Variants in TUSC3 observed in about 807,000 individuals in gnomAD.
TUSC3 encodes the protein dolichyl-diphosphooligosaccharide--protein glycosyltransferase subunit TUSC3.
A neutral mutation model predicts 44.8 loss-of-function variants in TUSC3; 45 were observed. That is an observed-to-expected ratio of 1.00 (90% CI 0.79 to 1.29). TUSC3 has a LOEUF of 1.29. TUSC3 is among the 50% of genes most tolerant of loss of function. TUSC3 has a pLI of 0.00. For missense variants in TUSC3, 519 were observed against 437.9 expected (o/e 1.19, Z -1.65); for synonymous variants, 212 against 152.9 (o/e 1.39, Z -2.85).
chr8:15,519,727 A>G (rs1481973736), intron 2 of TUSC3, among the ~76,000 whole-genome samples: 1 of 152,206 alleles, frequency 6.6e-6, no homozygotes, highest in East Asian at 1.9e-4. Flanking sequence ...CCATCGTGCC[A>G]AAAAGCACTG....
intron 6 of TUSC3, among the ~76,000 whole-genome samples, chr8:15,728,169 C>T (rs575514679): frequency 1.3e-5 from 2 of 152,280 alleles, no homozygotes; most frequent in African/African-American, 4.8e-5. Flanking sequence ...TTTTCTCACA[C>T]ATCTGAGAAA....
the TUSC3 span, among the ~76,000 whole-genome samples, chr8:15,827,015 G>A: frequency 1.3e-5 from 2 of 152,074 alleles, no homozygotes; most frequent in African/African-American, 4.8e-5. Flanking sequence ...TATATGGTCT[G>A]CTCATTGTCC....
At chr8:15,490,965 G>T (rs940095073) in intron 2 of TUSC3, among the ~76,000 whole-genome samples, 8 of 152,004 alleles carry the variant, frequency 5.3e-5, no homozygotes, top group Non-Finnish European at 1.5e-5. Context: ...TCCAAAGAGG[G>T]TCTGGGGCCC....
At chr8:15,471,893 C>T (rs982138079) in intron 1 of TUSC3, among the ~76,000 whole-genome samples, 1 of 152,146 alleles carries the variant, frequency 6.6e-6, no homozygotes, top group African/African-American at 2.4e-5. Context: ...GCTAGGATTA[C>T]AGGCATGAGC....
At chr8:15,840,370 G>C in the TUSC3 span, among the ~76,000 whole-genome samples, 1 of 151,900 alleles carries the variant, frequency 6.6e-6, no homozygotes, top group African/African-American at 2.4e-5. Context: ...AGAACTTAAA[G>C]TATAATTTAA....
the TUSC3 span, among the ~76,000 whole-genome samples, chr8:15,781,347 A>G: frequency 6.6e-6 from 1 of 152,228 alleles, no homozygotes; most frequent in Non-Finnish European, 1.5e-5. Context: ...TACTGAGAGT[A>G]TATGGTATAT....
chr8:15,620,891 A>T (rs968382827), intron 1 of TUSC3, among the ~76,000 whole-genome samples: 1 of 152,208 alleles, frequency 6.6e-6, no homozygotes, highest in African/African-American at 2.4e-5. Context: ...TACTGTTTTC[A>T]TAGATACATA....
chr8:15,668,468 A>G (rs2129181872), intron 5 of TUSC3, among the ~76,000 whole-genome samples: 1 of 151,914 alleles, frequency 6.6e-6, no homozygotes, highest in South Asian at 2.1e-4. Context: ...ATGAAGAACC[A>G]TGTGGAGATA....
At position 15,519,123 on chromosome 8, in the gene TUSC3, A is replaced by G. The variant is rs77422824; in HGVS notation, n.189+35640A>G. 4.7e-3 allele frequency among the ~76,000 whole-genome samples: 711 copies of G among 152,198 alleles called. 5 individuals carry two copies. Among genetic ancestry groups the G allele is most frequent in the African/African-American group, 0.016 (658 of 41,520 alleles). On this transcript the variant is annotated intron_variant and non_coding_transcript_variant, in intron 2 of 5. Coordinates refer to the TUSC3 transcript ENST00000503191. ...GATATACACATCTACTGACATTAAG[A>G]TTTATTACTCATTTTTTAATTAAAT...
chr8:15,800,437 G>A, the TUSC3 span, among the ~76,000 whole-genome samples: 3 of 152,060 alleles, frequency 2.0e-5, no homozygotes, highest in Non-Finnish European at 4.4e-5. Context: ...GCCGGGCATG[G>A]TGGCTCATGC....
intron 1 of TUSC3, among the ~76,000 whole-genome samples, chr8:15,584,005 G>T (rs1803490310): frequency 6.6e-6 from 1 of 152,200 alleles, no homozygotes; most frequent in South Asian, 2.1e-4. Flanking sequence ...TATTGCAGGG[G>T]CAGTATTTTG....
Position 15,468,776 on chromosome 8 carries a change from A to T in TUSC3, n.92-14610A>T, listed in dbSNP as rs550065951. Among the ~76,000 whole-genome samples, 7 of 152,298 alleles carry T rather than the reference A, an allele frequency of 4.6e-5. No homozygotes were observed. In the South Asian group the frequency reaches 1.0e-3, roughly 23 times the overall value. ...ATATTAGAAGTGATGCTTTCAGGAG[A>T]TTCAAGGGATTCCTCTCTGTCTTGA... On this transcript the variant is annotated intron_variant and non_coding_transcript_variant, in intron 1 of 5. Transcript: ENST00000503191.
chr8:15,804,660 T>C, the TUSC3 span, among the ~76,000 whole-genome samples: 2 of 152,298 alleles, frequency 1.3e-5, no homozygotes, highest in South Asian at 4.1e-4. Context: ...CTGAGTTCTT[T>C]ATTCTGTTCC....
At chr8:15,522,096 T>G (rs1306464886) in intron 2 of TUSC3, among the ~76,000 whole-genome samples, 1 of 152,222 alleles carries the variant, frequency 6.6e-6, no homozygotes, top group African/African-American at 2.4e-5. Context: ...TCATCTCATT[T>G]ACAGTAGACT....
intron 1 of TUSC3, among the ~76,000 whole-genome samples, chr8:15,587,352 AC>A (rs1238649886): frequency 6.6e-6 from 1 of 152,126 alleles, no homozygotes; most frequent in African/African-American, 2.4e-5. Flanking sequence ...CAGCATTATA[AC>A]ATTATGTTTT....
At chr8:15,840,493 A>C in the TUSC3 span, among the ~76,000 whole-genome samples, 1 of 152,228 alleles carries the variant, frequency 6.6e-6, no homozygotes, top group Non-Finnish European at 1.5e-5. Flanking sequence ...CTAGGAGTAA[A>C]GAGCCTAGAA....
intron 2 of TUSC3, among the ~76,000 whole-genome samples, chr8:15,498,221 A>C (rs1235767911): frequency 6.6e-6 from 1 of 152,198 alleles, no homozygotes; most frequent in Admixed American, 6.5e-5. Flanking sequence ...TTTTAACCTT[A>C]AGATTGTACC....
the TUSC3 span, among the ~76,000 whole-genome samples, chr8:15,788,826 C>G: frequency 6.6e-6 from 1 of 152,134 alleles, no homozygotes; most frequent in Non-Finnish European, 1.5e-5. Flanking sequence ...AGGTAAGTTG[C>G]AAAGCCACTC....
chr8:15,643,596 T>G (rs1806485083), intron 2 of TUSC3, among the ~76,000 whole-genome samples: 1 of 152,168 alleles, frequency 6.6e-6, no homozygotes, highest in Non-Finnish European at 1.5e-5. Flanking sequence ...ATGAAGAAAA[T>G]GGATGCACAG....
Sources: gnomAD v4.1 joint callset for allele counts (sites outside exome capture counted in the v4.1 genomes callset) on GRCh38, gnomAD v4.1.1 for gene constraint, MANE v1.5 for transcripts, NCBI Gene and HGNC (gene_info 2026-07-23, HGNC 2026-07-21) for gene names.